The following NKAIN3 variants were observed in gnomAD, a reference collection of about 807,000 sequenced individuals.
NKAIN3 encodes the protein sodium/potassium-transporting ATPase subunit beta-1-interacting protein 3.
In NKAIN3, 25 loss-of-function variants were observed where a neutral mutation model predicts 30.2. The ratio of observed to expected loss-of-function variants is 0.83; its 90% CI spans 0.60 to 1.16. The LOEUF (loss-of-function observed/expected upper bound fraction) is 1.16, where lower values mean the gene tolerates loss of function less well. Ranked by LOEUF, NKAIN3 falls within the 50% of genes most tolerant of loss-of-function variation. The probability of loss-of-function intolerance (pLI) is 0.00; values close to 1 mark genes in which losing one functional copy is unlikely to be tolerated. For missense variants in NKAIN3, 225 were observed against 254.1 expected (o/e 0.89, Z 0.78); for synonymous variants, 91 against 89.6 (o/e 1.02, Z -0.09).
intron 4 of NKAIN3, among the ~76,000 whole-genome samples, chr8:62,806,030 C>A (rs1223685276): frequency 6.6e-6 from 1 of 152,132 alleles, no homozygotes; most frequent in Non-Finnish European, 1.5e-5. Flanking sequence ...GTCGTTTATG[C>A]AGCCAAAAAA....
chr8:62,534,622 C>T (rs1234273226), intron 1 of NKAIN3, among the ~76,000 whole-genome samples: 5 of 152,080 alleles, frequency 3.3e-5, no homozygotes, highest in South Asian at 2.1e-4. Flanking sequence ...CTCAATGGCT[C>T]GCTAAATCAG....
rs897356935 is a variant in NKAIN3 at position 62,969,688 on chromosome 8, T to C, written c.*4281T>C. Among the ~76,000 whole-genome samples, 2 of 152,202 alleles carry C rather than the reference T, an allele frequency of 1.3e-5. No individual in the cohort carries two copies. Among genetic ancestry groups the C allele is most frequent in the African/African-American group, 4.8e-5 (2 of 41,444 alleles). ...TAGGAAAAATATAAATAATTGCTCT[T>C]TTAAAACTATAACAACTTGAATGCC... On this transcript the variant is annotated 3_prime_UTR_variant, in exon 7 of 7. Coordinates refer to ENST00000623646, the MANE Select transcript of NKAIN3 (RefSeq NM_001304533.3).
chr8:62,361,270 C>T (rs984190991), intron 1 of NKAIN3, among the ~76,000 whole-genome samples: 2 of 152,226 alleles, frequency 1.3e-5, no homozygotes, highest in African/African-American at 4.8e-5. Context: ...ATGCTCATTT[C>T]TATATGACCT....
chr8:62,809,515 G>A lies in NKAIN3; in HGVS notation c.471+62386G>A, dbSNP rs190151966. 6.5e-3 allele frequency among the ~76,000 whole-genome samples: 982 copies of A among 152,240 alleles called. 10 individuals are homozygous for A. Among genetic ancestry groups the A allele is most frequent in the African/African-American group, 0.022 (921 of 41,556 alleles). On this transcript the variant is annotated intron_variant, in intron 4 of 6. Transcript: ENST00000623646. The stretch of plus-strand genomic sequence containing the variant: ...GCTTCAGCCAGTCCCTCTTTTTGGG[G>A]TCCCTGACTTCCCTCAACAATTCCC...
At chr8:62,927,296 G>A (rs1822480648) in intron 5 of NKAIN3, among the ~76,000 whole-genome samples, 1 of 152,180 alleles carries the variant, frequency 6.6e-6, no homozygotes, top group Non-Finnish European at 1.5e-5. Context: ...TTGATTGACA[G>A]CTTTGGCTGC....
chr8:62,428,832 T>G (rs1454951080), intron 1 of NKAIN3, among the ~76,000 whole-genome samples: 2 of 151,944 alleles, frequency 1.3e-5, no homozygotes, highest in Non-Finnish European at 2.9e-5. Context: ...TTTAGCTTGA[T>G]GAAATCTTGT....
chr8:62,356,901 C>T (rs1269801764), intron 1 of NKAIN3, among the ~76,000 whole-genome samples: 1 of 151,928 alleles, frequency 6.6e-6, no homozygotes. Context: ...TGCTTGGAGC[C>T]CAGGAGTTCG....
chr8:62,860,549 C>G (rs763412716), intron 4 of NKAIN3, among the ~76,000 whole-genome samples: 24 of 152,192 alleles, frequency 1.6e-4, no homozygotes, highest in Non-Finnish European at 3.5e-4. Flanking sequence ...TTCTAAGAGA[C>G]TAGCCCAGCT....
At chr8:62,923,191 G>A (rs1171863316) in intron 5 of NKAIN3, among the ~76,000 whole-genome samples, 3 of 152,008 alleles carry the variant, frequency 2.0e-5, no homozygotes, top group Non-Finnish European at 4.4e-5. Context: ...CCAGCTACTC[G>A]GGAGGCTCAG....
intron 1 of NKAIN3, among the ~76,000 whole-genome samples, chr8:62,497,616 T>C (rs1289754935): frequency 6.6e-6 from 1 of 152,110 alleles, no homozygotes; most frequent in Non-Finnish European, 1.5e-5. Context: ...AATTTTATTC[T>C]ATGTCAGAGG....
chr8:62,253,470 T>C (rs1414924420), intron 1 of NKAIN3, among the ~76,000 whole-genome samples: 1 of 152,062 alleles, frequency 6.6e-6, no homozygotes, highest in Non-Finnish European at 1.5e-5. Flanking sequence ...CTTGGGAAGC[T>C]GAGGTGGGAG....
chr8:62,873,317 GA>G (rs1484999163), intron 4 of NKAIN3, among the ~76,000 whole-genome samples: 1 of 151,844 alleles, frequency 6.6e-6, no homozygotes, highest in East Asian at 1.9e-4. Context: ...ACCCAATAAA[GA>G]AGCATCCAGA....
chr8:62,296,757 T>C (rs1390956662), intron 1 of NKAIN3, among the ~76,000 whole-genome samples: 1 of 152,174 alleles, frequency 6.6e-6, no homozygotes, highest in Non-Finnish European at 1.5e-5. Context: ...AGGATTCCTA[T>C]CTCTAGCCCA....
At chr8:62,959,770 C>T (rs779486522) in intron 6 of NKAIN3, among the ~76,000 whole-genome samples, 11 of 152,064 alleles carry the variant, frequency 7.2e-5, no homozygotes, top group Non-Finnish European at 1.5e-4. Flanking sequence ...AGGGTGGAGC[C>T]CCGTTCCCTG....
At chr8:62,344,415 T>C (rs1815859622) in intron 1 of NKAIN3, among the ~76,000 whole-genome samples, 2 of 152,120 alleles carry the variant, frequency 1.3e-5, no homozygotes, top group Admixed American at 1.3e-4. Flanking sequence ...TTGTGATATT[T>C]CAAAGCTCTA....
At chr8:62,560,110 G>A (rs1407599158) in intron 1 of NKAIN3, among the ~76,000 whole-genome samples, 1 of 152,048 alleles carries the variant, frequency 6.6e-6, no homozygotes, top group Non-Finnish European at 1.5e-5. Context: ...TCTGGCTTTT[G>A]TAATTTCTAC....
chr8:62,848,047 C>T (rs1020508210), intron 4 of NKAIN3, among the ~76,000 whole-genome samples: 1 of 151,934 alleles, frequency 6.6e-6, no homozygotes, highest in African/African-American at 2.4e-5. Flanking sequence ...TGTGTCTGCT[C>T]TTGTACTAGT....
At chr8:62,930,429 T>C (rs1370462844) in intron 5 of NKAIN3, among the ~76,000 whole-genome samples, 1 of 151,866 alleles carries the variant, frequency 6.6e-6, no homozygotes, top group Non-Finnish European at 1.5e-5. Flanking sequence ...AATTTTTGTA[T>C]TTTTAGTAGA....
rs1423695573 is a variant in NKAIN3 at position 62,973,514 on chromosome 8, G to GT, written c.*8115dup. ...CCTTAACCCACTTTTTGATGGAGTT[G>GT]TTTTTTTTCTTGTAAATTTGTTTAA... On this transcript the variant is annotated 3_prime_UTR_variant, in exon 7 of 7. Transcript: ENST00000623646. Among the ~76,000 whole-genome samples the GT allele has an allele frequency of 2.6e-5, 4 of 151,638 alleles. No homozygotes were observed. Among genetic ancestry groups the GT allele is most frequent in the East Asian group, 3.9e-4 (2 of 5,184 alleles).
Sources: gnomAD v4.1 joint callset for allele counts (sites outside exome capture counted in the v4.1 genomes callset) on GRCh38, gnomAD v4.1.1 for gene constraint, MANE v1.5 for transcripts, NCBI Gene and HGNC (gene_info 2026-07-23, HGNC 2026-07-21) for gene names.